PITRM1: variants seen among roughly 807,000 people sequenced by gnomAD.
The protein encoded by PITRM1 is pitrilysin metallopeptidase 1.
PITRM1 carries 100 observed loss-of-function variants against 129.9 expected under a neutral mutation model. That is an observed-to-expected ratio of 0.77 (90% CI 0.65 to 0.91). PITRM1 has a LOEUF of 0.91. PITRM1 is among the 40% of genes least tolerant of loss of function. The probability of loss-of-function intolerance (pLI) is 0.00; values close to 1 mark genes in which losing one functional copy is unlikely to be tolerated. For synonymous variants in PITRM1, 591 were observed against 508.8 expected (o/e 1.16, Z -2.17); for missense variants, 1,471 against 1,318.3 (o/e 1.12, Z -1.79).
At position 3,155,631 on chromosome 10, in the gene PITRM1, C is replaced by T; in HGVS notation, c.1581G>A (p.Glu527=). 1 of 1,613,938 alleles carries T rather than the reference C, an allele frequency of 6.2e-7. No individual in the cohort carries two copies. ...GCTGCCTGTCTCCGGGGGACAGAGC[C>T]TCGACCTTCTGCTTGAGCTTCGTGG... ...VEATKLKQKV[E]ALSPGDRQQI... Residue 527 remains glutamate, a synonymous_variant, in exon 14 of 27, where the codon GAG becomes GAA. Coordinates refer to ENST00000224949, the MANE Select transcript of PITRM1 (RefSeq NM_014889.4).
At chr10:3,144,430 T>A (rs555873356) in intron 21 of PITRM1, 64 bp from the exon 22 acceptor site, 41 of 928,316 alleles carry the variant, frequency 4.4e-5, no homozygotes, top group African/African-American at 3.8e-4. Context: ...ATATAAGAAG[T>A]AACAGAGTTT....
chr10:3,140,205 A>G (rs577457936), intron 24 of PITRM1, among the ~76,000 whole-genome samples: 1 of 152,226 alleles, frequency 6.6e-6, no homozygotes, highest in Non-Finnish European at 1.5e-5. Flanking sequence ...CTGTGAACAG[A>G]AGCTCTTGGA....
At chr10:3,138,146 T>G in intron 26 of PITRM1, 22 bp from the exon 27 acceptor site, 2 of 1,591,868 alleles carry the variant, frequency 1.3e-6, no homozygotes, top group Non-Finnish European at 1.7e-6. Context: ...GCAGGCGTGG[T>G]CAGCAAGGAC....
chr10:3,157,107 A>C (rs778390717), intron 12 of PITRM1, 43 bp from the exon 13 acceptor site: 6 of 1,570,386 alleles, frequency 3.8e-6, no homozygotes, highest in Non-Finnish European at 5.2e-6. Flanking sequence ...CTGGTACCAC[A>C]GTACAACCTC....
At position 3,138,049 on chromosome 10, in the gene PITRM1, T is replaced by G; in HGVS notation, c.3096A>C (p.Pro1032=). ...CGGCTGCTCATTGGATGATCCAGGA[T>G]GGGTCCTTGGCAATTTTCGGGTTCT... ...GPENPKIAKD[P]SWIIQ is the part of the protein sequence containing the mutation. The change falls in exon 27 of 27, where the codon CCA becomes CCC. Residue 1032 remains proline, a synonymous_variant. Coordinates refer to ENST00000224949, the MANE Select transcript of PITRM1 (RefSeq NM_014889.4). 2 of 1,607,100 alleles carry G rather than the reference T, an allele frequency of 1.2e-6. No individual in the cohort carries two copies. Among genetic ancestry groups the G allele is most frequent in the Non-Finnish European group, 1.7e-6 (2 of 1,176,714 alleles).
At chr10:3,155,239 C>T (rs1438184819) in intron 14 of PITRM1, among the ~76,000 whole-genome samples, 1 of 152,226 alleles carries the variant, frequency 6.6e-6, no homozygotes, top group Non-Finnish European at 1.5e-5. Context: ...CAGGCCTCTT[C>T]CCAACACACA....
intron 7 of PITRM1, chr10:3,163,095 A>G (rs1240101476): frequency 6.6e-6 from 1 of 152,198 alleles, no homozygotes; most frequent in East Asian, 1.9e-4. Context: ...CTATTACATG[A>G]TAAGTGTTTA....
chr10:3,170,149 C>T lies in PITRM1; in HGVS notation c.114G>A (p.Leu38=), dbSNP rs1843215519. The change falls in exon 2 of 27, where the codon CTG becomes CTA. Residue 38 remains leucine (L), a synonymous_variant. Transcript: ENST00000224949. ...WNSNRACERA[L]QYKLGDKIHG... is the part of the protein sequence containing the mutation. ...GGATCTTGTCTCCTAGTTTATACTGCAGAGCCCTCTCACAAGCCCGGTTAC... is the reference window on the plus strand; with the variant it reads ...GGATCTTGTCTCCTAGTTTATACTGTAGAGCCCTCTCACAAGCCCGGTTAC... The T allele has an allele frequency of 1.2e-6, 2 of 1,613,978 alleles. No homozygotes were observed. Among genetic ancestry groups the T allele is most frequent in the Non-Finnish European group, 1.7e-6 (2 of 1,179,844 alleles).
rs144191964 is a variant in PITRM1 at position 3,157,693 on chromosome 10, C to A, written c.1251-162G>T. 2.0e-5 allele frequency among the ~76,000 whole-genome samples: 3 copies of A among 152,286 alleles called. 1 individual carries two copies. The East Asian group carries it at 5.8e-4, about 29-fold the overall frequency. On this transcript the variant is annotated intron_variant, in intron 11 of 26. Transcript: ENST00000224949. Reference sequence around the variant, plus strand: ...CCCATCTCTACTACACAAAAATTAGCTGGGCATGGTGGTGTGCACCCTAGT... The same window carrying A: ...CCCATCTCTACTACACAAAAATTAGATGGGCATGGTGGTGTGCACCCTAGT...
chr10:3,148,446 T>A (rs1841147405), intron 16 of PITRM1, 155 bp from the exon 17 acceptor site: 1 of 917,242 alleles, frequency 1.1e-6, no homozygotes, highest in Non-Finnish European at 1.6e-6. Flanking sequence ...GCAGGTGCAC[T>A]CTGGCCTTCG....
rs1196117252 is a variant in PITRM1 at position 3,144,771 on chromosome 10, C to T, written c.2458-405G>A. Among the ~76,000 whole-genome samples the T allele has an allele frequency of 4.6e-5, 7 of 152,278 alleles. No homozygotes were observed. The South Asian group carries it at 1.0e-3, about 23-fold the overall frequency. On this transcript the variant is annotated intron_variant, in intron 21 of 26. Coordinates refer to ENST00000224949, the MANE Select transcript of PITRM1 (RefSeq NM_014889.4). ...AGCTAGTTGTAATGGCACCACTGCACTCCAGCCCGAGTGCCAGAGACAGAC... is the reference window on the plus strand; with the variant it reads ...AGCTAGTTGTAATGGCACCACTGCATTCCAGCCCGAGTGCCAGAGACAGAC...
intron 14 of PITRM1, 32 bp downstream of exon 14, chr10:3,155,559 G>A: frequency 6.2e-7 from 1 of 1,612,832 alleles, no homozygotes; most frequent in Non-Finnish European, 8.5e-7. Flanking sequence ...GTGCAGGTTA[G>A]GGACTCGCCA....
At chr10:3,164,089 G>T in intron 6 of PITRM1, 1 of 327,970 alleles carries the variant, frequency 3.0e-6, no homozygotes, top group South Asian at 5.2e-5. Flanking sequence ...CATCACCCAC[G>T]CACAGGACCC....
chr10:3,158,670 G>C (rs1367736075), intron 10 of PITRM1, among the ~76,000 whole-genome samples: 1 of 152,206 alleles, frequency 6.6e-6, no homozygotes, highest in Admixed American at 6.5e-5. Context: ...TCCCCTTGGG[G>C]GGACACAAAT....
intron 15 of PITRM1, among the ~76,000 whole-genome samples, chr10:3,150,516 C>T (rs1841409385): frequency 6.6e-6 from 1 of 152,122 alleles, no homozygotes; most frequent in South Asian, 2.1e-4. Context: ...GGGTGAAATC[C>T]CATCCCCGTC....
intron 1 of PITRM1, chr10:3,172,092 T>C (rs1250449132): frequency 7.1e-6 from 3 of 422,386 alleles, no homozygotes; most frequent in Non-Finnish European, 1.4e-5. Context: ...AAGGACATGA[T>C]AGGAAACTCC....
At chr10:3,145,279 C>T (rs952386275) in intron 21 of PITRM1, 1 of 312,740 alleles carries the variant, frequency 3.2e-6, no homozygotes, top group African/African-American at 2.2e-5. Context: ...AGTGAACAGC[C>T]TTCAGGCTAC....
rs370455393 is a variant in PITRM1 at position 3,160,349 on chromosome 10, A to G, written c.792-19T>C. 1 of 1,585,488 alleles carries G rather than the reference A, an allele frequency of 6.3e-7. No individual in the cohort carries two copies. Among genetic ancestry groups the G allele is most frequent in the Admixed American group, 1.7e-5 (1 of 59,984 alleles). ...GAAGAACCTAAAATTTTAAGGGAAT[A>G]TAATTAGTCTGTTTTAGTTTAAAAG... On this transcript the variant is annotated intron_variant, in intron 7 of 26. Transcript: ENST00000224949.
rs1841910213 is a variant in PITRM1 at position 3,155,613 on chromosome 10, G to A, written c.1599C>T (p.Asp533=). 6.2e-7 allele frequency: 1 copy of A among 1,613,924 alleles called. No homozygotes were observed. ...KQKVEALSPG[D]RQQIYEKGLE... Reference sequence around the variant, plus strand: ...GACCTTTCTCGTAGATCTGCTGCCTGTCTCCGGGGGACAGAGCCTCGACCT... The same window carrying A: ...GACCTTTCTCGTAGATCTGCTGCCTATCTCCGGGGGACAGAGCCTCGACCT... Residue 533 remains aspartate, a synonymous_variant, in exon 14 of 27, where the codon GAC becomes GAT. Transcript: ENST00000224949.
Sources: gnomAD v4.1 joint callset for allele counts (sites outside exome capture counted in the v4.1 genomes callset) on GRCh38, gnomAD v4.1.1 for gene constraint, MANE v1.5 for transcripts, NCBI Gene and HGNC (gene_info 2026-07-23, HGNC 2026-07-21) for gene names.